Variants in ZNF33B observed in about 807,000 individuals in gnomAD.
ZNF33B encodes zinc finger protein 11b (KOX 2).
A neutral mutation model predicts 45.8 loss-of-function variants in ZNF33B; 29 were observed. That is an observed-to-expected ratio of 0.63 (90% confidence interval 0.47 to 0.86). ZNF33B has a LOEUF of 0.86. Ranked by LOEUF, ZNF33B falls within the 40% of genes least tolerant of loss-of-function variation. The pLI, the probability that ZNF33B is intolerant of heterozygous loss-of-function variation, is 0.00. For synonymous variants in ZNF33B, 305 were observed against 307.8 expected (o/e 0.99, Z 0.10); for missense variants, 831 against 909.9 (o/e 0.91, Z 1.12).
intron 4 of ZNF33B, among the ~76,000 whole-genome samples, chr10:42,614,090 C>A (rs546952578): frequency 6.6e-6 from 1 of 152,310 alleles, no homozygotes; most frequent in South Asian, 2.1e-4. Context: ...TTATAGTGGA[C>A]AAACTGTATG....
At position 42,593,991 on chromosome 10, in the gene ZNF33B, T is replaced by G; in HGVS notation, c.959A>C (p.Gln320Pro). Residue 320 changes from glutamine (Q) to proline (P), a missense_variant, in exon 5 of 5, where the codon CAG becomes CCG. Coordinates refer to ENST00000359467, the MANE Select transcript of ZNF33B (RefSeq NM_006955.3). ...FRRKLCLSQL[Q>P]KGDKGEKHFE... is the part of the protein sequence containing the mutation. Reference sequence around the variant, plus strand: ...GTGTTTCTCTCCTTTATCACCTTTCTGAAGCTGTGACAGACACAATTTCCT... The same window carrying G: ...GTGTTTCTCTCCTTTATCACCTTTCGGAAGCTGTGACAGACACAATTTCCT... 1 of 1,614,136 alleles carries G rather than the reference T, an allele frequency of 6.2e-7. No individual in the cohort carries two copies. Among genetic ancestry groups the G allele is most frequent in the Non-Finnish European group, 8.5e-7 (1 of 1,179,982 alleles).
intron 4 of ZNF33B, among the ~76,000 whole-genome samples, chr10:42,609,084 C>A (rs1375693552): frequency 6.6e-6 from 1 of 151,972 alleles, no homozygotes; most frequent in Non-Finnish European, 1.5e-5. Context: ...TCTGAAATGA[C>A]CTACACAAGT....
intron 4 of ZNF33B, chr10:42,605,312 G>C (rs547369504): frequency 6.9e-6 from 1 of 144,866 alleles, no homozygotes; most frequent in Non-Finnish European, 1.5e-5. Flanking sequence ...ATCTGTTGAC[G>C]AAGAGAAAAT....
chr10:42,618,991 C>T (rs1234224219), intron 4 of ZNF33B, among the ~76,000 whole-genome samples: 1 of 152,236 alleles, frequency 6.6e-6, no homozygotes, highest in South Asian at 2.1e-4. Flanking sequence ...GCATGGGTCA[C>T]ATTTTTCCTG....
At chr10:42,603,912 T>C (rs1388531290) in intron 4 of ZNF33B, among the ~76,000 whole-genome samples, 3 of 152,174 alleles carry the variant, frequency 2.0e-5, no homozygotes, top group African/African-American at 4.8e-5. Flanking sequence ...TTCTCTCAAA[T>C]AGTAGTCAAG....
Position 42,593,110 on chromosome 10 carries a change from A to C in ZNF33B, c.1840T>G (p.Cys614Gly). Residue 614 changes from cysteine to glycine, a missense_variant, in exon 5 of 5, where the codon TGT (cysteine) becomes GGT (glycine). By Grantham distance (159) the Cys-to-Gly change is radical. Transcript: ENST00000359467. ...GACTTCTGGCAGAAGGTTTTTCCAC[A>C]TTCATTACATTCATAGGGTTTCTCC... is the stretch of plus-strand genomic sequence containing the variant. The part of the protein sequence containing the change: ...TGEKPYECNE[C>G]GKTFCQKSQL... 6.2e-7 allele frequency: 1 copy of C among 1,613,966 alleles called. No homozygotes were observed. The highest frequency in any genetic ancestry group is 8.5e-7 in the Non-Finnish European group (1 of 1,179,978).
At chr10:42,619,288 C>G (rs1250322753) in intron 4 of ZNF33B, among the ~76,000 whole-genome samples, 5 of 152,144 alleles carry the variant, frequency 3.3e-5, no homozygotes, top group Non-Finnish European at 7.3e-5. Flanking sequence ...TCATTAATAT[C>G]AGGAGCTCAT....
intron 3 of ZNF33B, 131 bp from the exon 4 acceptor site, chr10:42,632,155 T>C: frequency 2.0e-6 from 3 of 1,468,698 alleles, no homozygotes; most frequent in South Asian, 1.3e-5. Flanking sequence ...AACACAAGTA[T>C]CTTCTGGTGC....
chr10:42,624,742 C>T (rs1338113475), intron 4 of ZNF33B, among the ~76,000 whole-genome samples: 1 of 152,134 alleles, frequency 6.6e-6, no homozygotes, highest in Non-Finnish European at 1.5e-5. Flanking sequence ...GTAGCATATA[C>T]AGCCTGGGTA....
At chr10:42,577,132 C>CAAAAAAA in intron 1 of ZNF33B, among the ~76,000 whole-genome samples, 1 of 81,634 alleles carries the variant, frequency 1.2e-5, no homozygotes, top group East Asian at 3.5e-4. Context: ...GACTCCATCT[C>CAAAAAAA]AAAAAAAAAA....
At chr10:42,625,594 C>T (rs1464686387) in intron 4 of ZNF33B, among the ~76,000 whole-genome samples, 1 of 152,196 alleles carries the variant, frequency 6.6e-6, no homozygotes, top group African/African-American at 2.4e-5. Flanking sequence ...ATTCTCCTGC[C>T]TCCCAAGTAG....
chr10:42,575,844 C>T (rs958437872), intron 1 of ZNF33B, among the ~76,000 whole-genome samples: 24 of 151,520 alleles, frequency 1.6e-4, no homozygotes, highest in African/African-American at 5.8e-4. Context: ...ATTCTCGTGC[C>T]TCAGCCTCCC....
At chr10:42,618,745 C>T (rs116813003) in intron 4 of ZNF33B, among the ~76,000 whole-genome samples, 2,594 of 152,242 alleles carry the variant, frequency 0.017, 79 homozygotes, top group African/African-American at 0.059. Flanking sequence ...AAATTATGGG[C>T]GTTTCTGCGA....
At chr10:42,584,010 C>G (rs141314864) in intron 1 of ZNF33B, among the ~76,000 whole-genome samples, 1 of 152,302 alleles carries the variant, frequency 6.6e-6, no homozygotes, top group East Asian at 1.9e-4. Flanking sequence ...GCGCAAGCAG[C>G]TCTGCGCACA....
At chr10:42,577,674 T>C (rs1287688581) in intron 1 of ZNF33B, among the ~76,000 whole-genome samples, 1 of 152,188 alleles carries the variant, frequency 6.6e-6, no homozygotes, top group African/African-American at 2.4e-5. Context: ...CCAGACTGCT[T>C]ACTATGTGCT....
chr10:42,578,592 C>A (rs1352184626), intron 1 of ZNF33B: 4 of 152,416 alleles, frequency 2.6e-5, no homozygotes, highest in Non-Finnish European at 4.4e-5. Flanking sequence ...GACAGGGAAG[C>A]CCCTTGGTGT....
chr10:42,588,393 G>A (rs564477027), downstream of ZNF33B, among the ~76,000 whole-genome samples: 5 of 152,342 alleles, frequency 3.3e-5, no homozygotes, highest in Non-Finnish European at 7.3e-5. Context: ...CCATAATATG[G>A]AACCTGTCAG....
intron 3 of ZNF33B, 55 bp from the exon 4 acceptor site, chr10:42,632,079 T>C (rs1589073964): frequency 6.3e-7 from 1 of 1,577,094 alleles, no homozygotes; most frequent in East Asian, 2.2e-5. Context: ...CTTCAGGCCT[T>C]TGAAGCAGGA....
intron 4 of ZNF33B, among the ~76,000 whole-genome samples, chr10:42,623,284 T>C (rs1446200878): frequency 1.3e-5 from 2 of 152,184 alleles, no homozygotes; most frequent in Non-Finnish European, 2.9e-5. Flanking sequence ...TATCTGTGTA[T>C]ATATACACAT....
Sources: gnomAD v4.1 joint callset for allele counts (sites outside exome capture counted in the v4.1 genomes callset) on GRCh38, gnomAD v4.1.1 for gene constraint, MANE v1.5 for transcripts, NCBI Gene and HGNC (gene_info 2026-07-23, HGNC 2026-07-21) for gene names.